NFIX: variants seen among roughly 807,000 people sequenced by gnomAD.
The protein encoded by NFIX is nuclear factor I X, also known as nuclear factor 1 X-type.
NFIX carries 2 observed loss-of-function variants against 53.3 expected under a neutral mutation model. The ratio of observed to expected loss-of-function variants is 0.04; its 90% CI spans 0.02 to 0.12. The LOEUF is 0.12. NFIX is among the 10% of genes least tolerant of loss of function. NFIX has a pLI of 1.00. For synonymous variants in NFIX, 244 were observed against 289.0 expected, an observed-to-expected ratio of 0.84 and a Z score of 1.58; for missense variants, 310 against 674.5, an observed-to-expected ratio of 0.46 and a Z score of 5.99.
intron 1 of NFIX, among the ~76,000 whole-genome samples, chr19:13,016,809 C>T (rs1428560309): frequency 4.6e-5 from 7 of 152,128 alleles, no homozygotes; most frequent in East Asian, 1.9e-4. Context: ...AGGGGGAGGA[C>T]GCTCGGCAGC....
chr19:13,088,237 A>G lies in NFIX; in HGVS notation c.1402+101A>G. 1.5e-6 allele frequency: 2 copies of G among 1,295,486 alleles called. No individual in the cohort carries two copies. The highest frequency in any genetic ancestry group is 2.1e-6 in the Non-Finnish European group (2 of 957,440). The allele number at this position is 1,295,486 out of a possible 1,614,324, so 80.2% of individuals were successfully genotyped here. On this transcript the variant is annotated intron_variant, in intron 9 of 10. Transcript: ENST00000592199. This position sits in a 1 kb window ranked among gnomAD's most constrained non-coding sequence, Gnocchi z 5.9. ...AAAGCCTTCCCCCTCCCCACCACCA[A>G]AGCCCCCCAACCCAGAGCACCATGG... is the stretch of plus-strand genomic sequence containing the variant.
intron 8 of NFIX, among the ~76,000 whole-genome samples, chr19:13,085,199 C>T (rs1004005100): frequency 3.9e-5 from 6 of 152,330 alleles, no homozygotes; most frequent in African/African-American, 1.4e-4. Context: ...CAACTGTACC[C>T]CAGTCAGAGC....
At chr19:13,061,188 A>C (rs1025585605) in intron 2 of NFIX, among the ~76,000 whole-genome samples, 3 of 146,852 alleles carry the variant, frequency 2.0e-5, no homozygotes, top group African/African-American at 5.0e-5. Context: ...GATAACCCCC[A>C]GTCAAGCTAT....
chr19:13,053,502 A>G (rs1022442903), intron 2 of NFIX, among the ~76,000 whole-genome samples: 1 of 152,064 alleles, frequency 6.6e-6, no homozygotes, highest in African/African-American at 2.4e-5. Flanking sequence ...GAGGATAACT[A>G]TGGGAGCAGG....
chr19:13,024,902 G>A, intron 1 of NFIX, 119 bp from the exon 2 acceptor site: 6 of 1,398,346 alleles, frequency 4.3e-6, no homozygotes, highest in Admixed American at 2.0e-5. Flanking sequence ...AGGAGAAGGC[G>A]GTTTTCCTTG....
intron 1 of NFIX, among the ~76,000 whole-genome samples, chr19:13,023,104 T>TCTCTCTCTC (rs2013043750): frequency 1.1e-5 from 1 of 93,464 alleles, no homozygotes; most frequent in African/African-American, 6.8e-5. Flanking sequence ...CTCTGTCTCT[T>TCTCTCTCTC]TCTCCCCCCA....
chr19:13,020,117 C>G (rs2012888961), intron 1 of NFIX, among the ~76,000 whole-genome samples: 1 of 152,094 alleles, frequency 6.6e-6, no homozygotes, highest in African/African-American at 2.4e-5. Flanking sequence ...TGTCTTGATT[C>G]TGGTCTTTGG....
rs1231103415 is a variant in NFIX at position 13,096,892 on chromosome 19, CAAGTGGTGTTGTGAGGGGCA to C, written c.*2245_*2264del. 1.3e-5 allele frequency: 2 copies of C among 149,492 alleles called. No individual in the cohort carries two copies. The highest frequency in any genetic ancestry group is 2.5e-5 in the African/African-American group (1 of 40,544). The allele number at this position is 149,492 out of a possible 1,614,324, so 9.3% of individuals were successfully genotyped here. ...CAGGGGGTGGGGGCTGCTCCTTTCC[CAAGTGGTGTTGTGAGGGGCA>C]ATGAGGGCAACAGGAGATGTGGGGA... On this transcript the variant is annotated 3_prime_UTR_variant, in exon 11 of 11. Transcript: ENST00000592199.
rs377690620 is a variant in NFIX, at chr19:13,066,735, ATG to A, written c.560-6300_560-6299del. 9.9e-5 allele frequency among the ~76,000 whole-genome samples: 15 copies of A among 151,900 alleles called. No homozygotes were observed. In the East Asian group the frequency reaches 2.3e-3, roughly 24 times the overall value. ...GGATGACTCCAGGATGTGTGTGTGCATGTGTGTGTGTGTTTGTGCACATGTGT... is the reference window on the plus strand; with the variant it reads ...GGATGACTCCAGGATGTGTGTGTGCATGTGTGTGTGTTTGTGCACATGTGT... On this transcript the variant is annotated intron_variant, in intron 2 of 10. Coordinates refer to ENST00000592199, the MANE Select transcript of NFIX (RefSeq NM_001365902.3). The surrounding 1 kb of genome is among the most constrained non-coding windows in gnomAD (Gnocchi z 4.2).
chr19:13,072,575 C>T lies in NFIX; in HGVS notation c.560-472C>T, dbSNP rs371709457. Among the ~76,000 whole-genome samples, 3 of 152,244 alleles carry T rather than the reference C, an allele frequency of 2.0e-5. No individual in the cohort carries two copies. The highest frequency in any genetic ancestry group is 2.9e-5 in the Non-Finnish European group (2 of 68,036). On this transcript the variant is annotated intron_variant, in intron 2 of 10. Transcript: ENST00000592199. This position sits in a 1 kb window ranked among gnomAD's most constrained non-coding sequence, Gnocchi z 4.0. ...GATGGGGGACCCTTGGGTCTGTCCC[C>T]GCTGTGGAGAGAGATGGTCTCTGAC... is the stretch of plus-strand genomic sequence containing the variant.
rs577697747 is a variant in NFIX, at chr19:13,089,092, G to A, written c.1402+956G>A. Reference sequence around the variant, plus strand: ...CTCGCTTTGTCTCTCCTCCTTTCTCGTGGTTTGAGTTCTTTTCCCCTCTCC... The same window carrying A: ...CTCGCTTTGTCTCTCCTCCTTTCTCATGGTTTGAGTTCTTTTCCCCTCTCC... On this transcript the variant is annotated intron_variant, in intron 9 of 10. Coordinates refer to ENST00000592199, the MANE Select transcript of NFIX (RefSeq NM_001365902.3). This position sits in a 1 kb window ranked among gnomAD's most constrained non-coding sequence, Gnocchi z 4.8. Among the ~76,000 whole-genome samples the A allele has an allele frequency of 6.6e-5, 10 of 152,154 alleles. No individual in the cohort carries two copies. Among genetic ancestry groups the A allele is most frequent in the African/African-American group, 2.2e-4 (9 of 41,502 alleles).
Position 13,067,692 on chromosome 19 carries a change from A to G in NFIX, c.560-5355A>G, listed in dbSNP as rs1185965752. On this transcript the variant is annotated intron_variant, in intron 2 of 10. Transcript: ENST00000592199. The surrounding 1 kb of genome is among the most constrained non-coding windows in gnomAD (Gnocchi z 4.2). ...TATACATGGCCCCTTTCACAGTACA[A>G]GTTTGTTTCGAGCAGGAGCTGAGGG... 6.6e-6 allele frequency among the ~76,000 whole-genome samples: 1 copy of G among 152,038 alleles called. No homozygotes were observed. Among genetic ancestry groups the G allele is most frequent in the African/African-American group, 2.4e-5 (1 of 41,384 alleles).
At chr19:13,070,553 AT>A (rs1486978632) in intron 2 of NFIX, 1 of 152,478 alleles carries the variant, frequency 6.6e-6, no homozygotes, top group Non-Finnish European at 1.5e-5. Flanking sequence ...CTGGGTCCAG[AT>A]TTCCCATGTC....
chr19:13,020,813 G>A (rs142163207), intron 1 of NFIX, among the ~76,000 whole-genome samples: 7 of 152,178 alleles, frequency 4.6e-5, no homozygotes, highest in African/African-American at 1.4e-4. Context: ...ATCTTGTCCT[G>A]TTTCCCTAAC....
chr19:13,098,382 C>T lies in NFIX; in HGVS notation c.*3733C>T, dbSNP rs1243309438. 1.3e-5 allele frequency: 2 copies of T among 151,852 alleles called. No homozygotes were observed. Among genetic ancestry groups the T allele is most frequent in the African/African-American group, 4.8e-5 (2 of 41,304 alleles). 9.4% of individuals were successfully genotyped at this position (151,852 alleles called of 1,614,324 possible). A position where few individuals can be genotyped will look rare whatever the true frequency, so the allele number is the denominator to read the frequency against. ...CCCGACCAGCACCAGCATCGCGGAC[C>T]GCAAAGGCCGCCCGTCCCGTCAAAC... is the stretch of plus-strand genomic sequence containing the variant. On this transcript the variant is annotated 3_prime_UTR_variant, in exon 11 of 11. Coordinates refer to ENST00000592199, the MANE Select transcript of NFIX (RefSeq NM_001365902.3).
rs2014534814 is a variant in NFIX, at chr19:13,040,401, A to T, written c.559+14849A>T. Among the ~76,000 whole-genome samples, 1 of 152,206 alleles carries T rather than the reference A, an allele frequency of 6.6e-6. No homozygotes were observed. The highest frequency in any genetic ancestry group is 1.5e-5 in the Non-Finnish European group (1 of 68,028). On this transcript the variant is annotated intron_variant, in intron 2 of 10. Coordinates refer to ENST00000592199, the MANE Select transcript of NFIX (RefSeq NM_001365902.3). The surrounding 1 kb of genome is among the most constrained non-coding windows in gnomAD (Gnocchi z 4.2). Reference sequence around the variant, plus strand: ...TGCGGAGCAGCCAAACTCACTCGTGACAGGGTCTCTTCCCGTGCCAGATCT... The same window carrying T: ...TGCGGAGCAGCCAAACTCACTCGTGTCAGGGTCTCTTCCCGTGCCAGATCT...
chr19:13,075,263 G>A (rs1050155603), intron 5 of NFIX, among the ~76,000 whole-genome samples: 3 of 152,028 alleles, frequency 2.0e-5, no homozygotes, highest in East Asian at 1.9e-4. Context: ...GGGTTTTGCC[G>A]ACTTCTCTGA....
rs1207309452 is a variant in NFIX at position 13,088,499 on chromosome 19, T to G, written c.1402+363T>G. On this transcript the variant is annotated intron_variant, in intron 9 of 10. Coordinates refer to ENST00000592199, the MANE Select transcript of NFIX (RefSeq NM_001365902.3). This position sits in a 1 kb window ranked among gnomAD's most constrained non-coding sequence, Gnocchi z 5.9. ...TCATGCCTGATTGCTGTTTTTTTTT[T>G]TTTGTTTTTTGTTTTTGTTTTTTAA... 7.2e-5 allele frequency among the ~76,000 whole-genome samples: 11 copies of G among 151,866 alleles called. 1 individual carries two copies. The South Asian group carries it at 8.3e-4, about 12-fold the overall frequency.
In NFIX at chr19:13,027,961, G is replaced by T. The variant is rs1053556805; in HGVS notation, c.559+2409G>T. ...TCTCACTGGAATTGCTTTAGTTTGA[G>T]TGTGCCTTCCTGAAGTGAGTTGAGG... On this transcript the variant is annotated intron_variant, in intron 2 of 10. Coordinates refer to ENST00000592199, the MANE Select transcript of NFIX (RefSeq NM_001365902.3). This position sits in a 1 kb window ranked among gnomAD's most constrained non-coding sequence, Gnocchi z 4.3. 1.3e-5 allele frequency among the ~76,000 whole-genome samples: 2 copies of T among 152,238 alleles called. No homozygotes were observed. Among genetic ancestry groups the T allele is most frequent in the Non-Finnish European group, 2.9e-5 (2 of 68,044 alleles).
Sources: gnomAD v4.1 joint callset for allele counts (sites outside exome capture counted in the v4.1 genomes callset) on GRCh38, gnomAD v4.1.1 for gene constraint, Gnocchi (gnomAD v3.1) non-coding constraint, MANE v1.5 for transcripts, NCBI Gene and HGNC (gene_info 2026-07-23, HGNC 2026-07-21) for gene names.